EPHA6: variants seen among roughly 807,000 people sequenced by gnomAD.
The protein encoded by EPHA6 is ephrin type-A receptor 6.
In EPHA6, 50 loss-of-function variants were observed where a neutral mutation model predicts 112.0. The observed-to-expected ratio is 0.45, with a 90% CI of 0.36 to 0.56. The LOEUF (loss-of-function observed/expected upper bound fraction) is 0.56. Ranked by LOEUF, EPHA6 falls within the 20% of genes least tolerant of loss-of-function variation. EPHA6 has a pLI of 0.00. For missense variants in EPHA6, 1,280 were observed against 1,417.4 expected (o/e 0.90, Z 1.56); for synonymous variants, 529 against 490.7 (o/e 1.08, Z -1.03).
chr3:96,821,871 AT>A (rs1475040684), intron 1 of EPHA6, among the ~76,000 whole-genome samples: 1 of 151,860 alleles, frequency 6.6e-6, no homozygotes, highest in Non-Finnish European at 1.5e-5. Flanking sequence ...TTACAAAAAG[AT>A]TATCTTCATA....
intron 3 of EPHA6, among the ~76,000 whole-genome samples, chr3:97,079,387 G>C (rs1389743424): frequency 2.0e-5 from 3 of 152,052 alleles, no homozygotes. Context: ...TTAAAAGTGG[G>C]AACTAAATGA....
chr3:96,882,897 G>A (rs996264943), intron 2 of EPHA6, among the ~76,000 whole-genome samples: 3 of 152,070 alleles, frequency 2.0e-5, no homozygotes, highest in Admixed American at 6.6e-5. Context: ...ATGCGTGTGC[G>A]AGTATGTTTT....
chr3:97,499,422 A>G (rs1451014815), intron 10 of EPHA6, among the ~76,000 whole-genome samples: 1 of 152,176 alleles, frequency 6.6e-6, no homozygotes, highest in African/African-American at 2.4e-5. Flanking sequence ...TAATCAAGAT[A>G]CAAAACATAC....
chr3:97,577,760 T>C (rs1252690995), intron 11 of EPHA6, among the ~76,000 whole-genome samples: 1 of 152,226 alleles, frequency 6.6e-6, no homozygotes, highest in Non-Finnish European at 1.5e-5. Flanking sequence ...AGAAGTTGTA[T>C]ATAAATATCA....
chr3:97,615,330 C>A (rs301920), intron 13 of EPHA6, among the ~76,000 whole-genome samples: 151,911 of 152,264 alleles, frequency 1, 75,780 homozygotes, highest in Middle Eastern at 1. Flanking sequence ...GAAGCTTTGC[C>A]GATTCACAGA....
At chr3:97,391,046 T>C (rs887748674) in intron 5 of EPHA6, among the ~76,000 whole-genome samples, 4 of 152,108 alleles carry the variant, frequency 2.6e-5, no homozygotes, top group Non-Finnish European at 5.9e-5. Context: ...AAATCAATAC[T>C]GCATGTTCAA....
intron 13 of EPHA6, among the ~76,000 whole-genome samples, chr3:97,623,822 A>G (rs1481333167): frequency 2.0e-5 from 3 of 151,688 alleles, no homozygotes; most frequent in Admixed American, 6.6e-5. Context: ...CATACATGAA[A>G]AGGTTTATTT....
chr3:97,275,524 G>C (rs956407606), intron 5 of EPHA6, among the ~76,000 whole-genome samples: 32 of 152,094 alleles, frequency 2.1e-4, no homozygotes, highest in Non-Finnish European at 4.4e-5. Flanking sequence ...GAGTATATGG[G>C]TTTGGCACGA....
intron 5 of EPHA6, among the ~76,000 whole-genome samples, chr3:97,309,576 A>G (rs2081461869): frequency 2.0e-5 from 3 of 151,666 alleles, no homozygotes; most frequent in Admixed American, 2.0e-4. Flanking sequence ...TACTGATAAT[A>G]GTTACTGAAT....
intron 3 of EPHA6, among the ~76,000 whole-genome samples, chr3:97,019,135 C>G (rs1317712695): frequency 6.6e-6 from 1 of 152,132 alleles, no homozygotes; most frequent in East Asian, 1.9e-4. Flanking sequence ...ATAATCATAT[C>G]TAAGATCTAT....
intron 3 of EPHA6, among the ~76,000 whole-genome samples, chr3:97,152,126 C>T (rs557400657): frequency 7.9e-5 from 12 of 151,814 alleles, no homozygotes; most frequent in African/African-American, 2.7e-4. Context: ...GACTGAGAAA[C>T]GGGATGCCAA....
intron 11 of EPHA6, among the ~76,000 whole-genome samples, chr3:97,568,490 G>A (rs181832446): frequency 1.4e-4 from 21 of 152,274 alleles, no homozygotes; most frequent in Admixed American, 2.0e-4. Context: ...TTCTAGGATC[G>A]TTTTTGCTAA....
At chr3:97,723,814 A>G (rs747469278) in intron 15 of EPHA6, among the ~76,000 whole-genome samples, 2 of 152,194 alleles carry the variant, frequency 1.3e-5, no homozygotes, top group Non-Finnish European at 2.9e-5. Flanking sequence ...GCTGCAGTAA[A>G]GAGAGTTGAA....
intron 2 of EPHA6, among the ~76,000 whole-genome samples, chr3:96,953,071 T>C (rs1317179770): frequency 6.6e-6 from 1 of 152,058 alleles, no homozygotes; most frequent in East Asian, 1.9e-4. Context: ...AAAAGAACAA[T>C]ATTTGAATTC....
At chr3:96,947,781 C>T (rs937668798) in intron 2 of EPHA6, among the ~76,000 whole-genome samples, 1 of 152,182 alleles carries the variant, frequency 6.6e-6, no homozygotes, top group African/African-American at 2.4e-5. Flanking sequence ...ATTCCATGCT[C>T]ATGGATAGGA....
intron 13 of EPHA6, among the ~76,000 whole-genome samples, chr3:97,626,243 T>C (rs1252032924): frequency 1.3e-5 from 2 of 151,760 alleles, no homozygotes; most frequent in African/African-American, 4.8e-5. Flanking sequence ...CCCAGTTATA[T>C]GTGCTAGTTG....
At chr3:96,893,202 T>C in intron 2 of EPHA6, among the ~76,000 whole-genome samples, 1 of 152,320 alleles carries the variant, frequency 6.6e-6, no homozygotes, top group East Asian at 1.9e-4. Flanking sequence ...GTGCATATTA[T>C]TATGTACAGT....
chr3:97,344,237 G>A (rs1677416097), intron 5 of EPHA6, among the ~76,000 whole-genome samples: 1 of 152,146 alleles, frequency 6.6e-6, no homozygotes, highest in South Asian at 2.1e-4. Context: ...GACGAAATGT[G>A]TGTGTTTTTT....
intron 3 of EPHA6, among the ~76,000 whole-genome samples, chr3:97,172,766 A>C (rs1020584610): frequency 2.0e-5 from 3 of 151,996 alleles, no homozygotes; most frequent in Admixed American, 6.6e-5. Context: ...GTTGTATTCT[A>C]TCAGTATCTC....
Sources: gnomAD v4.1 joint callset for allele counts (sites outside exome capture counted in the v4.1 genomes callset) on GRCh38, gnomAD v4.1.1 for gene constraint, MANE v1.5 for transcripts, NCBI Gene and HGNC (gene_info 2026-07-23, HGNC 2026-07-21) for gene names.